The following SPOCK1 variants were observed in gnomAD, a reference collection of about 807,000 sequenced individuals.
SPOCK1 encodes SPARC (osteonectin), cwcv and kazal like domains proteoglycan 1, also known as testican-1.
In SPOCK1, 23 loss-of-function variants were observed where a neutral mutation model predicts 55.3. That is an observed-to-expected ratio of 0.42 (90% confidence interval 0.30 to 0.59). The LOEUF (loss-of-function observed/expected upper bound fraction) is 0.59, where lower values mean the gene tolerates loss of function less well. Among genes scored for constraint, SPOCK1 ranks in the 20% least tolerant of loss-of-function variants. SPOCK1 has a pLI of 0.22. For missense variants in SPOCK1, 499 were observed against 552.5 expected (o/e 0.90, Z 0.97); for synonymous variants, 226 against 221.0 (o/e 1.02, Z -0.20).
chr5:137,209,821 A>G (rs1315688494), intron 3 of SPOCK1, among the ~76,000 whole-genome samples: 1 of 152,230 alleles, frequency 6.6e-6, no homozygotes, highest in African/African-American at 2.4e-5. Context: ...TGCTTGGTAT[A>G]CAAATATAAA....
chr5:137,101,265 C>T (rs981868243), intron 5 of SPOCK1, among the ~76,000 whole-genome samples: 1 of 152,150 alleles, frequency 6.6e-6, no homozygotes, highest in Non-Finnish European at 1.5e-5. Flanking sequence ...TGGCCAGGGA[C>T]CTTTCTGTCT....
At chr5:137,026,834 G>A (rs181106037) in intron 6 of SPOCK1, among the ~76,000 whole-genome samples, 1 of 152,254 alleles carries the variant, frequency 6.6e-6, no homozygotes. Flanking sequence ...TGGATGGCTT[G>A]GTGGACTTGT....
intron 2 of SPOCK1, among the ~76,000 whole-genome samples, chr5:137,457,520 G>A (rs949852328): frequency 1.3e-5 from 2 of 152,146 alleles, no homozygotes; most frequent in Non-Finnish European, 1.5e-5. Flanking sequence ...TTCTAGACAA[G>A]GCTGCTACAT....
intron 2 of SPOCK1, among the ~76,000 whole-genome samples, chr5:137,488,058 A>G (rs761738213): frequency 1.3e-5 from 2 of 152,232 alleles, no homozygotes; most frequent in African/African-American, 2.4e-5. Flanking sequence ...CTAAAAATAC[A>G]GTCTGAGAAC....
chr5:137,426,820 C>A (rs1325543349), intron 2 of SPOCK1, among the ~76,000 whole-genome samples: 1 of 152,154 alleles, frequency 6.6e-6, no homozygotes, highest in Non-Finnish European at 1.5e-5. Flanking sequence ...CCGCACAACA[C>A]CCTGAGAGTG....
chr5:137,079,628 A>T (rs1752840595), intron 5 of SPOCK1, among the ~76,000 whole-genome samples: 1 of 150,638 alleles, frequency 6.6e-6, no homozygotes, highest in Non-Finnish European at 1.5e-5. Flanking sequence ...CTCCCTTTTG[A>T]TGCTGGTCAC....
chr5:137,034,129 T>A (rs13175528), intron 6 of SPOCK1, among the ~76,000 whole-genome samples: 1 of 152,164 alleles, frequency 6.6e-6, no homozygotes, highest in Non-Finnish European at 1.5e-5. Context: ...CCAATAGCCA[T>A]GTGCTGCATT....
rs140515377 is a variant in SPOCK1, at chr5:137,399,363, TTTG to T, written c.186+99007_186+99009del. 3.8e-3 allele frequency among the ~76,000 whole-genome samples: 570 copies of T among 150,872 alleles called. 2 individuals carry two copies. The highest frequency in any genetic ancestry group is 0.01 in the African/African-American group (412 of 40,994). On this transcript the variant is annotated intron_variant, in intron 2 of 10. Coordinates refer to ENST00000394945, the MANE Select transcript of SPOCK1 (RefSeq NM_004598.4). ...ACTGGGCTATATTGCCTCTTTATTG[TTTG>T]TTGTTGTTGTTGTTGTTGTTGTTGT...
chr5:137,256,654 C>T lies in SPOCK1; in HGVS notation c.232+10356G>A, dbSNP rs1233336381. Among the ~76,000 whole-genome samples, 5 of 152,144 alleles carry T rather than the reference C, an allele frequency of 3.3e-5. No homozygotes were observed. The East Asian group carries it at 9.7e-4, about 29-fold the overall frequency. On this transcript the variant is annotated intron_variant, in intron 3 of 10. Coordinates refer to ENST00000394945, the MANE Select transcript of SPOCK1 (RefSeq NM_004598.4). ...CCAACACATGCTTGTGGGGGGAACA[C>T]ATTCAAACCACTGCAGGCTCCTGTG... is the stretch of plus-strand genomic sequence containing the variant.
chr5:137,268,094 G>A (rs929497885), intron 2 of SPOCK1, among the ~76,000 whole-genome samples: 2 of 152,172 alleles, frequency 1.3e-5, no homozygotes, highest in African/African-American at 4.8e-5. Context: ...TATTGTCCAT[G>A]CTGTGTTCTG....
At chr5:137,015,733 A>G (rs915333047) in intron 6 of SPOCK1, among the ~76,000 whole-genome samples, 2 of 152,208 alleles carry the variant, frequency 1.3e-5, no homozygotes, top group Non-Finnish European at 2.9e-5. Context: ...GCCCTTCTGC[A>G]TGCAAATCCT....
At chr5:136,994,014 A>C (rs1192139882) in intron 6 of SPOCK1, among the ~76,000 whole-genome samples, 3 of 152,134 alleles carry the variant, frequency 2.0e-5, no homozygotes, top group African/African-American at 2.4e-5. Context: ...CTAAGGCTTG[A>C]TGGAGAACCG....
At chr5:137,133,879 G>T (rs373405067) in intron 4 of SPOCK1, among the ~76,000 whole-genome samples, 1 of 151,438 alleles carries the variant, frequency 6.6e-6, no homozygotes. Context: ...GTTGCTTTGC[G>T]AGGGGCAAGG....
At chr5:137,134,498 C>T (rs1395076359) in intron 4 of SPOCK1, among the ~76,000 whole-genome samples, 1 of 152,186 alleles carries the variant, frequency 6.6e-6, no homozygotes, top group Non-Finnish European at 1.5e-5. Context: ...AATGAAGATC[C>T]TCTGAGCTTA....
chr5:137,415,647 T>C (rs979206410), intron 2 of SPOCK1, among the ~76,000 whole-genome samples: 2 of 152,168 alleles, frequency 1.3e-5, no homozygotes, highest in Admixed American at 6.5e-5. Context: ...AAGCCACAAA[T>C]GGGAAATCTC....
chr5:137,346,906 A>C lies in SPOCK1; in HGVS notation c.187-79851T>G, dbSNP rs572882372. ...GTATGCCTAGTGGGGCAGACTCCAG[A>C]ATGTGAGAGTCAGAAAAAGTTACTC... On this transcript the variant is annotated intron_variant, in intron 2 of 10. Coordinates refer to ENST00000394945, the MANE Select transcript of SPOCK1 (RefSeq NM_004598.4). Among the ~76,000 whole-genome samples the C allele has an allele frequency of 6.6e-5, 10 of 152,340 alleles. No individual in the cohort carries two copies. In the South Asian group the frequency reaches 2.1e-3, roughly 32 times the overall value.
At chr5:137,330,891 A>C (rs1561506709) in intron 2 of SPOCK1, among the ~76,000 whole-genome samples, 1 of 152,252 alleles carries the variant, frequency 6.6e-6, no homozygotes, top group Non-Finnish European at 1.5e-5. Flanking sequence ...GGTAACTGTG[A>C]TAAGTACTAT....
At chr5:137,110,781 A>G (rs956778614) in intron 5 of SPOCK1, among the ~76,000 whole-genome samples, 1 of 152,160 alleles carries the variant, frequency 6.6e-6, no homozygotes. Context: ...TTTTATTCCC[A>G]TTATGTTATA....
intron 5 of SPOCK1, among the ~76,000 whole-genome samples, chr5:137,092,792 T>C (rs1753074247): frequency 6.6e-6 from 1 of 152,192 alleles, no homozygotes; most frequent in Non-Finnish European, 1.5e-5. Context: ...TGGGCAACTG[T>C]AGTAGTCCAT....
Sources: allele counts gnomAD v4.1 joint callset (sites outside exome capture counted in the v4.1 genomes callset), GRCh38; gene constraint gnomAD v4.1.1; transcripts MANE v1.5; gene names NCBI Gene and HGNC (gene_info 2026-07-23, HGNC 2026-07-21).